ORC1: variants seen among roughly 807,000 people sequenced by gnomAD.
The protein encoded by ORC1 is origin recognition complex subunit 1.
ORC1 carries 61 observed loss-of-function variants against 98.9 expected under a neutral mutation model. That is an observed-to-expected ratio of 0.62 (90% CI 0.50 to 0.76). ORC1 has a LOEUF of 0.76. Ranked by LOEUF, ORC1 falls within the 30% of genes least tolerant of loss-of-function variation. The probability of loss-of-function intolerance (pLI) is 0.00; values close to 1 mark genes in which losing one functional copy is unlikely to be tolerated. For synonymous variants in ORC1, 385 were observed against 406.9 expected (o/e 0.95, Z 0.65); for missense variants, 979 against 1,072.2 (o/e 0.91, Z 1.21).
Position 52,383,819 on chromosome 1 carries a change from G to A in ORC1, c.1863+11C>T. The A allele has an allele frequency of 6.2e-7, 1 of 1,604,986 alleles. No individual in the cohort carries two copies. Among genetic ancestry groups the A allele is most frequent in the Non-Finnish European group, 8.5e-7 (1 of 1,171,928 alleles). On this transcript the variant is annotated intron_variant, in intron 12 of 16. Coordinates refer to ENST00000371568, the MANE Select transcript of ORC1 (RefSeq NM_004153.4). ...CCTGTTTCTTCTCCTGTCCGCCCAT[G>A]GGCACCTCACCTCATCCACAAGCAG...
At chr1:52,376,605 G>A (rs186624015) in intron 14 of ORC1, among the ~76,000 whole-genome samples, 3 of 152,148 alleles carry the variant, frequency 2.0e-5, no homozygotes, top group Non-Finnish European at 4.4e-5. Context: ...AGGGTGTCCT[G>A]TAGCCCTTCC....
chr1:52,383,331 G>A (rs1647096832), intron 13 of ORC1, 89 bp downstream of exon 13: 1 of 1,519,600 alleles, frequency 6.6e-7, no homozygotes. Flanking sequence ...TTACAGGCGT[G>A]AGCCACCACA....
intron 6 of ORC1, among the ~76,000 whole-genome samples, chr1:52,392,925 G>A (rs1186866478): frequency 6.6e-6 from 1 of 152,162 alleles, no homozygotes; most frequent in Non-Finnish European, 1.5e-5. Context: ...AGGTGGGTGA[G>A]GGATAAAAGA....
chr1:52,383,291 C>T lies in ORC1; in HGVS notation c.2013+129G>A, dbSNP rs527671747. 9.6e-4 allele frequency: 984 copies of T among 1,027,604 alleles called. 10 individuals carry two copies. The South Asian group carries it at 0.012, about 13-fold the overall frequency. 63.7% of individuals were successfully genotyped at this position (1,027,604 alleles called of 1,614,324 possible). On this transcript the variant is annotated intron_variant, in intron 13 of 16. Coordinates refer to ENST00000371568, the MANE Select transcript of ORC1 (RefSeq NM_004153.4). Reference sequence around the variant, plus strand: ...CTTGAACTCCTGACCTCAAGTGATCCGCCCGCCTTGGCCTCCCAAAGTGCG... The same window carrying T: ...CTTGAACTCCTGACCTCAAGTGATCTGCCCGCCTTGGCCTCCCAAAGTGCG...
chr1:52,402,265 A>G (rs1214783811), intron 1 of ORC1, 37 bp from the exon 2 acceptor site: 1 of 1,473,954 alleles, frequency 6.8e-7, no homozygotes, highest in Non-Finnish European at 9.5e-7. Context: ...ACCATGATAA[A>G]TATTTGGTAT....
At chr1:52,402,320 G>A (rs1356046256) in intron 1 of ORC1, 92 bp from the exon 2 acceptor site, 3 of 919,112 alleles carry the variant, frequency 3.3e-6, no homozygotes, top group Admixed American at 3.8e-5. Context: ...CCCTTCAAAT[G>A]AGATCAGACT....
upstream of ORC1, among the ~76,000 whole-genome samples, chr1:52,407,665 A>G (rs1648036398): frequency 6.6e-6 from 1 of 152,198 alleles, no homozygotes; most frequent in African/African-American, 2.4e-5. Context: ...TCACACCTGT[A>G]ATCCCAGCAC....
rs578108817 is a variant in ORC1 at position 52,374,844 on chromosome 1, C to T, written c.2357G>A (p.Arg786His). Reference sequence around the variant, plus strand: ...CGTGGCTTCCTCCAGTCCTGATCGACGGAACTCTGCGAGGATGGCTCTCAG... The same window carrying T: ...CGTGGCTTCCTCCAGTCCTGATCGATGGAACTCTGCGAGGATGGCTCTCAG... ...SFLRAILAEF[R>H]RSGLEEATFQ... Residue 786 changes from arginine to histidine, a missense_variant, in exon 16 of 17, where the codon CGT becomes CAT. Transcript: ENST00000371568. 3.5e-5 allele frequency: 56 copies of T among 1,613,872 alleles called. No individual in the cohort carries two copies. Among genetic ancestry groups the T allele is most frequent in the Non-Finnish European group, 4.4e-5 (52 of 1,179,780 alleles).
chr1:52,396,331 T>A lies in ORC1; in HGVS notation c.436A>T (p.Thr146Ser). ...AGTGTCTTCTCATTTTTCAGATTCG[T>A]CGGTACCACATCCTTTGGGGCTAAA... ...IPLAPKDVVPTNLKNEKTLFV... is the reference protein window; with the variant it reads ...IPLAPKDVVPSNLKNEKTLFV... Residue 146 changes from threonine (T) to serine (S), a missense_variant, in exon 5 of 17, where the codon ACG becomes TCG. Physicochemically the swap from Thr to Ser is moderately conservative, Grantham distance 58. Coordinates refer to ENST00000371568, the MANE Select transcript of ORC1 (RefSeq NM_004153.4). 3.1e-6 allele frequency: 5 copies of A among 1,614,130 alleles called. No homozygotes were observed. Among genetic ancestry groups the A allele is most frequent in the Non-Finnish European group, 4.2e-6 (5 of 1,180,002 alleles).
intron 14 of ORC1, among the ~76,000 whole-genome samples, chr1:52,377,018 T>TTTTA (rs139569791): frequency 6.6e-6 from 1 of 151,870 alleles, no homozygotes; most frequent in Non-Finnish European, 1.5e-5. Flanking sequence ...AAAACTTGGG[T>TTTTA]TTTATTTATT....
intron 16 of ORC1, 56 bp downstream of exon 16, chr1:52,374,754 T>C (rs908538048): frequency 3.0e-5 from 35 of 1,181,452 alleles, no homozygotes; most frequent in Non-Finnish European, 1.0e-5. Context: ...AATTTCCATG[T>C]ATTTTAAAAG....
At position 52,403,162 on chromosome 1, in the gene ORC1, C is replaced by T. The variant is rs115670885; in HGVS notation, c.-5-934G>A. ...TGTGGATTGGGCCTCAATTTGCTTACCCACAAAATGGAGAAAATAGAATCT... is the reference window on the plus strand; with the variant it reads ...TGTGGATTGGGCCTCAATTTGCTTATCCACAAAATGGAGAAAATAGAATCT... On this transcript the variant is annotated intron_variant, in intron 1 of 16. Coordinates refer to ENST00000371568, the MANE Select transcript of ORC1 (RefSeq NM_004153.4). 7.6e-3 allele frequency among the ~76,000 whole-genome samples: 1,160 copies of T among 152,270 alleles called. 17 individuals carry two copies. Among genetic ancestry groups the T allele is most frequent in the African/African-American group, 0.027 (1,102 of 41,552 alleles).
intron 7 of ORC1, 132 bp downstream of exon 7, chr1:52,389,085 T>C (rs1647178776): frequency 4.0e-6 from 3 of 756,356 alleles, no homozygotes; most frequent in Non-Finnish European, 7.0e-6. Flanking sequence ...CTTAACATAA[T>C]TCCAGACATG....
intron 14 of ORC1, among the ~76,000 whole-genome samples, chr1:52,380,920 A>C (rs1034823838): frequency 6.6e-6 from 1 of 152,236 alleles, no homozygotes; most frequent in Non-Finnish European, 1.5e-5. Context: ...AGTTCCAAGC[A>C]GGAGTCACAG....
At chr1:52,389,145 G>A (rs1647179203) in intron 7 of ORC1, 72 bp downstream of exon 7, 4 of 1,069,726 alleles carry the variant, frequency 3.7e-6, no homozygotes, top group Non-Finnish European at 4.4e-6. Flanking sequence ...AGTATAAGAG[G>A]CATTAGGAGA....
intron 3 of ORC1, 121 bp from the exon 4 acceptor site, chr1:52,397,984 T>A: frequency 1.0e-6 from 1 of 961,324 alleles, no homozygotes; most frequent in Admixed American, 1.9e-5. Flanking sequence ...TTTTTGTTTT[T>A]TGAGACAGAG....
upstream of ORC1, chr1:52,408,559 T>C (rs1648065412): frequency 1.2e-6 from 2 of 1,614,154 alleles, no homozygotes; most frequent in East Asian, 4.5e-5. Context: ...CACTGTCATC[T>C]GTCTCTCAGG....
At chr1:52,405,365 G>A (rs1647949108), upstream of ORC1, among the ~76,000 whole-genome samples, 1 of 152,220 alleles carries the variant, frequency 6.6e-6, no homozygotes, top group African/African-American at 2.4e-5. Flanking sequence ...GTGACAATCT[G>A]TGGACCTTGA....
At chr1:52,382,355 A>C (rs1266867740) in intron 13 of ORC1, among the ~76,000 whole-genome samples, 1 of 152,132 alleles carries the variant, frequency 6.6e-6, no homozygotes, top group Non-Finnish European at 1.5e-5. Flanking sequence ...TTGGAAGTAG[A>C]TAAAAGCTGA....
Sources: allele counts gnomAD v4.1 joint callset (sites outside exome capture counted in the v4.1 genomes callset), GRCh38; gene constraint gnomAD v4.1.1; transcripts MANE v1.5; gene names NCBI Gene and HGNC (gene_info 2026-07-23, HGNC 2026-07-21).